Variants in TAF1C observed in about 807,000 individuals in gnomAD.
TAF1C encodes the protein TATA box-binding protein-associated factor RNA polymerase I subunit C.
Under a neutral mutation model 70.5 loss-of-function variants are expected in TAF1C, and 79 were observed. That is an observed-to-expected ratio of 1.12 (90% CI 0.93 to 1.35). The LOEUF (loss-of-function observed/expected upper bound fraction) is 1.35. Among genes scored for constraint, TAF1C ranks in the 40% most tolerant of loss-of-function variants. The probability of loss-of-function intolerance (pLI) is 0.00; values close to 1 mark genes in which losing one functional copy is unlikely to be tolerated. For missense variants in TAF1C, 1,412 were observed against 1,127.8 expected, an observed-to-expected ratio of 1.25 and a Z score of -3.61; for synonymous variants, 614 against 491.1, an observed-to-expected ratio of 1.25 and a Z score of -3.31.
At position 84,183,095 on chromosome 16, in the gene TAF1C, C is replaced by T. The variant is rs771123603; in HGVS notation, c.463G>A (p.Gly155Ser). ...ACTTGCCCCCAGGGCTGGTGTCCAC[C>T]GAGGTCCTGGAGCAGCTTCTTCACA... ...VSVKKLLQDLGGHQPWGCPWA... is the reference protein window; with the variant it reads ...VSVKKLLQDLSGHQPWGCPWA... The change falls in exon 6 of 15, where the codon GGT (glycine) becomes AGT (serine). Residue 155 changes from glycine (G) to serine (S), a missense_variant. Gly to Ser is a moderately conservative substitution (Grantham distance 56). Coordinates refer to ENST00000566732, the MANE Select transcript of TAF1C (RefSeq NM_001243156.2). 8.1e-6 allele frequency: 13 copies of T among 1,614,024 alleles called. No individual in the cohort carries two copies. The highest frequency in any genetic ancestry group is 2.7e-5 in the African/African-American group (2 of 74,918).
In TAF1C at chr16:84,182,295, C is replaced by A; in HGVS notation, c.628G>T (p.Ala210Ser). ...CAGGCCAGCGCGCCCCCAGTGCAGG[C>A]CTCATCCAGAAGCAGCTGCTCCCAC... ...LRWEQLLLDE[A>S]CTGGALAWVP... The change falls in exon 7 of 15, where the codon GCC becomes TCC. Residue 210 changes from alanine to serine, a missense_variant. By Grantham distance (99) the Ala-to-Ser change is moderately conservative (BLOSUM62 1). Coordinates refer to ENST00000566732, the MANE Select transcript of TAF1C (RefSeq NM_001243156.2). The surrounding 1 kb of genome is among the most constrained non-coding windows in gnomAD (Gnocchi z 5.0). 1 of 1,612,962 alleles carries A rather than the reference C, an allele frequency of 6.2e-7. No homozygotes were observed. Among genetic ancestry groups the A allele is most frequent in the Non-Finnish European group, 8.5e-7 (1 of 1,179,952 alleles).
At position 84,181,357 on chromosome 16, in the gene TAF1C, G is replaced by C. The variant is rs759412906; in HGVS notation, c.1135C>G (p.Arg379Gly). 3.7e-6 allele frequency: 6 copies of C among 1,613,690 alleles called. No homozygotes were observed. The highest frequency in any genetic ancestry group is 3.3e-4 in the Middle Eastern group (2 of 6,060). Residue 379 changes from arginine to glycine, a missense_variant, in exon 11 of 15, where the codon CGC (arginine) becomes GGC (glycine). Arg to Gly is a moderately radical substitution (Grantham distance 125, BLOSUM62 -2). Transcript: ENST00000566732. Reference sequence around the variant, plus strand: ...GTGTCCAGCATCTTCACTCCGGTGCGGTCACCCACGGTCAGCACCCGAGGG... The same window carrying C: ...GTGTCCAGCATCTTCACTCCGGTGCCGTCACCCACGGTCAGCACCCGAGGG... ...AHPRVLTVGD[R>G]TGVKMLDTQG...
Position 84,184,942 on chromosome 16 carries a change from G to T in TAF1C, c.47C>A (p.Pro16His). Reference protein sequence around the residue: ...SLRPALFLTGPLGLSDVPDLS... With the variant: ...SLRPALFLTGHLGLSDVPDLS... ...GTCAGGGACGTCGCTCAGACCAAGG[G>T]GGCCGGTCAGAAACAATGCAGGGCG... Residue 16 changes from proline (P) to histidine (H), a missense_variant, in exon 2 of 15, where the codon CCC (proline) becomes CAC (histidine). Transcript: ENST00000566732. The T allele has an allele frequency of 6.2e-7, 1 of 1,613,928 alleles. No homozygotes were observed. The highest frequency in any genetic ancestry group is 8.5e-7 in the Non-Finnish European group (1 of 1,179,944).
In TAF1C at chr16:84,182,239, C is replaced by T; in HGVS notation, c.684G>A (p.Gln228=). ...WVPGRTPQFG[Q]LVYPAGGAQD... The stretch of plus-strand genomic sequence containing the variant: ...GGGCGCCTCCAGCAGGGTAGACCAG[C>T]TGCCCGAACTGGGGTGTCCTTCCAG... Residue 228 remains glutamine, a synonymous_variant, in exon 7 of 15, where the codon CAG becomes CAA. Transcript: ENST00000566732. The surrounding 1 kb of genome is among the most constrained non-coding windows in gnomAD (Gnocchi z 5.0). The T allele has an allele frequency of 1.2e-6, 2 of 1,612,840 alleles. No individual in the cohort carries two copies. The highest frequency in any genetic ancestry group is 4.5e-5 in the East Asian group (2 of 44,870).
At chr16:84,180,564 A>G (rs957462881) in intron 12 of TAF1C, 1 of 601,942 alleles carries the variant, frequency 1.7e-6, no homozygotes, top group Admixed American at 3.7e-5. Context: ...CAGACAGAAC[A>G]AGTGGGAAAG....
intron 3 of TAF1C, 62 bp from the exon 4 acceptor site, chr16:84,183,569 C>T (rs146114044): frequency 7.7e-6 from 12 of 1,555,268 alleles, no homozygotes; most frequent in Admixed American, 3.5e-5. Context: ...ATGCCCTGGG[C>T]GACTGGAGGT....
rs559053682 is a variant in TAF1C at position 84,179,954 on chromosome 16, G to T, written c.1613C>A (p.Pro538Gln). ...QWRLQERLKA[P>Q]TIGLAAVVPP... is the part of the protein sequence containing the mutation. The stretch of plus-strand genomic sequence containing the variant: ...TCCCCCACCCAGCACACCTATGGTC[G>T]GTGCTTTCAGGCGCTCCTGCAGCCG... The change falls in exon 14 of 15, where the codon CCG becomes CAG. Residue 538 changes from proline to glutamine, a missense_variant. Transcript: ENST00000566732. The T allele has an allele frequency of 6.2e-7, 1 of 1,612,294 alleles. No homozygotes were observed. The highest frequency in any genetic ancestry group is 8.5e-7 in the Non-Finnish European group (1 of 1,179,862).
chr16:84,183,619 G>C (rs1217613918), intron 3 of TAF1C, 78 bp downstream of exon 3: 2 of 1,548,146 alleles, frequency 1.3e-6, no homozygotes, highest in African/African-American at 1.4e-5. Context: ...AGCAGGGAGA[G>C]GAAGGTCTCA....
At position 84,180,075 on chromosome 16, in the gene TAF1C, C is replaced by A. The variant is rs765109191; in HGVS notation, c.1492G>T (p.Ala498Ser). Reference sequence around the variant, plus strand: ...GGGCCTGCCAGGCGGGGCACCGACGCCCCTTCTCCTGAGGAAGGACAGACA... The same window carrying A: ...GGGCCTGCCAGGCGGGGCACCGACGACCCTTCTCCTGAGGAAGGACAGACA... ...LQLLHLAGEG[A>S]SVPRLAGPPQ... is the part of the protein sequence containing the mutation. Residue 498 changes from alanine (A) to serine (S), a missense_variant, in exon 14 of 15, where the codon GCG becomes TCG. Physicochemically the swap from Ala to Ser is moderately conservative, Grantham distance 99 (BLOSUM62 1). Coordinates refer to ENST00000566732, the MANE Select transcript of TAF1C (RefSeq NM_001243156.2). The A allele has an allele frequency of 1.3e-6, 2 of 1,596,098 alleles. No homozygotes were observed. Among genetic ancestry groups the A allele is most frequent in the Admixed American group, 1.7e-5 (1 of 57,270 alleles).
In TAF1C at chr16:84,183,688, G is replaced by C; in HGVS notation, c.220+9C>G. The stretch of plus-strand genomic sequence containing the variant: ...GTGTGGAGTGAGCCCGGGGGAATGA[G>C]ACCCTTACCGATGAGGGGAGGCAGC... On this transcript the variant is annotated intron_variant, in intron 3 of 14. Coordinates refer to ENST00000566732, the MANE Select transcript of TAF1C (RefSeq NM_001243156.2). 1.2e-6 allele frequency: 2 copies of C among 1,609,702 alleles called. No homozygotes were observed. The highest frequency in any genetic ancestry group is 1.7e-6 in the Non-Finnish European group (2 of 1,177,446).
intron 12 of TAF1C, 137 bp downstream of exon 12, chr16:84,180,906 C>A: frequency 2.1e-6 from 3 of 1,439,492 alleles, no homozygotes; most frequent in South Asian, 1.5e-5. Context: ...CGTGTTTGGG[C>A]CACAGATTCA....
chr16:84,180,014 G>C lies in TAF1C; in HGVS notation c.1553C>G (p.Pro518Arg), dbSNP rs768872624. 21 of 1,611,798 alleles carry C rather than the reference G, an allele frequency of 1.3e-5. No homozygotes were observed. The Admixed American group carries it at 2.7e-4, about 21-fold the overall frequency. The change falls in exon 14 of 15, where the codon CCT (proline) becomes CGT (arginine). Residue 518 changes from proline (P) to arginine (R), a missense_variant. By Grantham distance (103) the Pro-to-Arg change is moderately radical (BLOSUM62 -2). Coordinates refer to ENST00000566732, the MANE Select transcript of TAF1C (RefSeq NM_001243156.2). The part of the protein sequence containing the change: ...QSLPSRIDSL[P>R]AFPLLEPKIQ... ...CTTAGGCTCCAGCAGAGGAAATGCA[G>C]GGAGGGAGTCGATCCTGGAAGGAAG...
chr16:84,184,891 T>C lies in TAF1C; in HGVS notation c.98A>G (p.Asp33Gly), dbSNP rs2089397964. 6.2e-7 allele frequency: 1 copy of C among 1,612,094 alleles called. No individual in the cohort carries two copies. Among genetic ancestry groups the C allele is most frequent in the South Asian group, 1.1e-5 (1 of 90,618 alleles). Reference sequence around the variant, plus strand: ...CTGGGCCTCTGGCAGAGTCAGTGCGTCTCGCCAGCTGCACATGAAAGAGAG... The same window carrying C: ...CTGGGCCTCTGGCAGAGTCAGTGCGCCTCGCCAGCTGCACATGAAAGAGAG... ...PDLSFMCSWR[D>G]ALTLPEAQPQ... The change falls in exon 2 of 15, where the codon GAC (aspartate) becomes GGC (glycine). Residue 33 changes from aspartate to glycine, a missense_variant. Physicochemically the swap from Asp to Gly is moderately conservative, Grantham distance 94 (BLOSUM62 -1). Coordinates refer to ENST00000566732, the MANE Select transcript of TAF1C (RefSeq NM_001243156.2).
At chr16:84,180,853 A>C in intron 12 of TAF1C, 190 bp downstream of exon 12, 1 of 1,397,754 alleles carries the variant, frequency 7.2e-7, no homozygotes, top group South Asian at 1.7e-5. Flanking sequence ...GCCCTGGGAG[A>C]GCTTCCCCAC....
chr16:84,183,579 T>G (rs778442872), intron 3 of TAF1C, 72 bp from the exon 4 acceptor site: 3 of 1,550,230 alleles, frequency 1.9e-6, no homozygotes, highest in South Asian at 2.3e-5. Context: ...CGACTGGAGG[T>G]ATCCAAGGGT....
chr16:84,179,024 C>T lies in TAF1C; in HGVS notation c.2449G>A (p.Val817Ile), dbSNP rs148629383. The change falls in exon 15 of 15, where the codon GTC becomes ATC. Residue 817 changes from valine (V) to isoleucine (I), a missense_variant. Val to Ile is a conservative substitution (Grantham distance 29). Transcript: ENST00000566732. ...TGCTGCTGGGAGCGAGTGGCCCGGACGCTGGAGGCCTGGGAGTGGGGAGGT... is the reference window on the plus strand; with the variant it reads ...TGCTGCTGGGAGCGAGTGGCCCGGATGCTGGAGGCCTGGGAGTGGGGAGGT... ...TTPPHSQASS[V>I]RATRSQQHTP... The T allele has an allele frequency of 4.5e-5, 73 of 1,610,562 alleles. No homozygotes were observed. The highest frequency in any genetic ancestry group is 3.5e-4 in the African/African-American group (26 of 74,916).
In TAF1C at chr16:84,179,536, T is replaced by A; in HGVS notation, c.1937A>T (p.Glu646Val). The change falls in exon 15 of 15, where the codon GAG (glutamate) becomes GTG (valine). Residue 646 changes from glutamate to valine, a missense_variant. Transcript: ENST00000566732. ...ACCCAGCCGCTGCCCTTCCTCTTCC[T>A]CCCTCCGCAGCTCTGTGCTGCCCAG... ...QMLGSTELRREEEEGQRLGVL... is the reference protein window; with the variant it reads ...QMLGSTELRRVEEEGQRLGVL... 3 of 1,608,306 alleles carry A rather than the reference T, an allele frequency of 1.9e-6. No homozygotes were observed. The highest frequency in any genetic ancestry group is 2.5e-6 in the Non-Finnish European group (3 of 1,177,212).
intron 2 of TAF1C, among the ~76,000 whole-genome samples, chr16:84,184,497 C>T (rs921443098): frequency 6.6e-6 from 1 of 152,238 alleles, no homozygotes; most frequent in South Asian, 2.1e-4. Context: ...GTTTCAGCAT[C>T]CTTCTGCTTT....
In TAF1C at chr16:84,179,549, C is replaced by G. The variant is rs1290760717; in HGVS notation, c.1924G>C (p.Glu642Gln). 18 of 1,611,798 alleles carry G rather than the reference C, an allele frequency of 1.1e-5. No homozygotes were observed. The highest frequency in any genetic ancestry group is 1.5e-5 in the Non-Finnish European group (18 of 1,179,554). ...FTHRQMLGST[E>Q]LRREEEEGQR... is the part of the protein sequence containing the mutation. ...CCTTCCTCTTCCTCCCTCCGCAGCT[C>G]TGTGCTGCCCAGCATCTGGCGGTGG... Residue 642 changes from glutamate (E) to glutamine (Q), a missense_variant, in exon 15 of 15, where the codon GAG (glutamate) becomes CAG (glutamine). Glu to Gln is a conservative substitution (Grantham distance 29). Coordinates refer to ENST00000566732, the MANE Select transcript of TAF1C (RefSeq NM_001243156.2).
Sources: allele counts gnomAD v4.1 joint callset (sites outside exome capture counted in the v4.1 genomes callset), GRCh38; gene constraint gnomAD v4.1.1; non-coding constraint Gnocchi (gnomAD v3.1); transcripts MANE v1.5; gene names NCBI Gene and HGNC (gene_info 2026-07-23, HGNC 2026-07-21).